The following TMC2 variants were observed in gnomAD, a reference collection of about 807,000 sequenced individuals.
TMC2 encodes transmembrane channel-like protein 2.
Under a neutral mutation model 105.9 loss-of-function variants are expected in TMC2, and 102 were observed. The ratio of observed to expected loss-of-function variants is 0.96; its 90% CI spans 0.82 to 1.14. The LOEUF (loss-of-function observed/expected upper bound fraction) is 1.14. TMC2 is among the 50% of genes most tolerant of loss of function. TMC2 has a pLI of 0.00. For synonymous variants in TMC2, 402 were observed against 422.8 expected, an observed-to-expected ratio of 0.95 and a Z score of 0.60; for missense variants, 1,093 against 1,134.3, an observed-to-expected ratio of 0.96 and a Z score of 0.52.
chr20:2,577,176 G>T (rs969873335), intron 5 of TMC2, among the ~76,000 whole-genome samples: 1 of 152,074 alleles, frequency 6.6e-6, no homozygotes, highest in Non-Finnish European at 1.5e-5. Context: ...CCAAAGTGCT[G>T]AGATTACAGG....
chr20:2,583,114 A>C (rs1380994805), intron 7 of TMC2, among the ~76,000 whole-genome samples: 2 of 152,174 alleles, frequency 1.3e-5, no homozygotes, highest in Non-Finnish European at 2.9e-5. Flanking sequence ...TGGTCTTGTT[A>C]TCTCTGTTTT....
chr20:2,614,533 A>C (rs1360389063), intron 14 of TMC2, among the ~76,000 whole-genome samples: 2 of 152,200 alleles, frequency 1.3e-5, no homozygotes, highest in Admixed American at 1.3e-4. Flanking sequence ...TGATCCCTTG[A>C]TCACACCACT....
intron 19 of TMC2, among the ~76,000 whole-genome samples, chr20:2,640,122 C>T (rs1428239597): frequency 1.3e-5 from 2 of 152,180 alleles, no homozygotes; most frequent in African/African-American, 4.8e-5. Flanking sequence ...GCTGTTATTA[C>T]AGGCACCTGC....
Position 2,617,015 on chromosome 20 carries a change from C to T in TMC2, c.1941-57C>T, listed in dbSNP as rs1379023796. 12 of 1,607,200 alleles carry T rather than the reference C, an allele frequency of 7.5e-6. No homozygotes were observed. In the East Asian group the frequency reaches 2.0e-4, roughly 27 times the overall value. ...ATCCGTCCCATTTCCTTCTATCACC[C>T]TTCCCTCGCCTTCCCTGCTGTCCAG... is the stretch of plus-strand genomic sequence containing the variant. On this transcript the variant is annotated intron_variant, in intron 15 of 19. Coordinates refer to ENST00000358864, the MANE Select transcript of TMC2 (RefSeq NM_080751.3).
chr20:2,621,893 C>G (rs369658312), intron 16 of TMC2, among the ~76,000 whole-genome samples: 1 of 152,154 alleles, frequency 6.6e-6, no homozygotes, highest in African/African-American at 2.4e-5. Context: ...AAGCCACCAG[C>G]GTGACAAACA....
intron 2 of TMC2, among the ~76,000 whole-genome samples, chr20:2,543,539 C>T (rs2085904721): frequency 6.6e-6 from 1 of 152,094 alleles, no homozygotes; most frequent in Non-Finnish European, 1.5e-5. Flanking sequence ...ATCTTAGAGC[C>T]CAAATTGAAG....
chr20:2,624,598 T>C (rs2086551154), intron 17 of TMC2, among the ~76,000 whole-genome samples: 4 of 152,200 alleles, frequency 2.6e-5, no homozygotes, highest in Admixed American at 2.6e-4. Context: ...TGCATGGTTA[T>C]CACTGTGAGA....
chr20:2,611,866 A>ATGGATGGGTGGG, intron 12 of TMC2, among the ~76,000 whole-genome samples: 1 of 85,814 alleles, frequency 1.2e-5, no homozygotes, highest in African/African-American at 4.0e-5. Context: ...GGATGGATGG[A>ATGGATGGGTGGG]TGGGTGGGTG....
At chr20:2,623,328 A>G (rs1268739032) in intron 16 of TMC2, among the ~76,000 whole-genome samples, 1 of 152,060 alleles carries the variant, frequency 6.6e-6, no homozygotes, top group Non-Finnish European at 1.5e-5. Flanking sequence ...ATTTGAGGTC[A>G]GAAGTTTGAG....
chr20:2,635,794 A>T, intron 17 of TMC2, 132 bp from the exon 18 acceptor site: 1 of 701,228 alleles, frequency 1.4e-6, no homozygotes, highest in Non-Finnish European at 2.5e-6. Flanking sequence ...TGAGAAAAGA[A>T]GATGGTAGGA....
At chr20:2,537,124 A>G (rs2085854985) in intron 1 of TMC2, 145 bp from the exon 2 acceptor site, 1 of 707,144 alleles carries the variant, frequency 1.4e-6, no homozygotes, top group Admixed American at 2.2e-5. Context: ...AGGGGACTCT[A>G]TAATTTGCTG....
At position 2,617,213 on chromosome 20, in the gene TMC2, C is replaced by T. The variant is rs1406147522; in HGVS notation, c.2082C>T (p.Phe694=). The T allele has an allele frequency of 1.2e-6, 2 of 1,614,132 alleles. No individual in the cohort carries two copies. Among genetic ancestry groups the T allele is most frequent in the Non-Finnish European group, 1.7e-6 (2 of 1,180,044 alleles). Residue 694 remains phenylalanine (F), a synonymous_variant, in exon 16 of 20, where the codon TTC becomes TTT. Coordinates refer to ENST00000358864, the MANE Select transcript of TMC2 (RefSeq NM_080751.3). ...TCAAAGCCTCCCGATCCAACAACTT[C>T]TACATGGGCCTCCTGCTGCTGGTGC... ...RVFKASRSNN[F]YMGLLLLVLF... is the part of the protein sequence containing the mutation.
intron 2 of TMC2, among the ~76,000 whole-genome samples, chr20:2,549,482 T>C (rs994677490): frequency 2.6e-5 from 4 of 152,122 alleles, no homozygotes; most frequent in Admixed American, 6.6e-5. Context: ...GTTGCTTACG[T>C]CTGTAATCCC....
In TMC2 at chr20:2,580,044, C is replaced by T. The variant is rs2146198787; in HGVS notation, c.822C>T (p.Val274=). 2 of 1,607,898 alleles carry T rather than the reference C, an allele frequency of 1.2e-6. No homozygotes were observed. The highest frequency in any genetic ancestry group is 2.2e-5 in the East Asian group (1 of 44,814). Residue 274 remains valine, a synonymous_variant, in exon 7 of 20, where the codon GTC becomes GTT. Coordinates refer to ENST00000358864, the MANE Select transcript of TMC2 (RefSeq NM_080751.3). The part of the protein sequence containing the change: ...LVLFGLIFGL[V]IIPEVLMGMP... Reference sequence around the variant, plus strand: ...TTTTTGGCTTAATATTTGGTCTAGTCATAATCCCAGAGGTAAGAAAAGAAC... The same window carrying T: ...TTTTTGGCTTAATATTTGGTCTAGTTATAATCCCAGAGGTAAGAAAAGAAC...
At chr20:2,634,589 C>A (rs149798938) in intron 17 of TMC2, among the ~76,000 whole-genome samples, 376 of 152,262 alleles carry the variant, frequency 2.5e-3, no homozygotes, top group African/African-American at 8.5e-3. Context: ...CCTGAAGGCA[C>A]CAAGGAGAAA....
chr20:2,558,794 C>A lies in TMC2; in HGVS notation c.401+20C>A, dbSNP rs2086003612. ...ACCCAGGTGTGTTGTGGCTCCGATT[C>A]TGGGCATTCGCTCCGCGCGCTCCCG... On this transcript the variant is annotated intron_variant, in intron 3 of 19. Coordinates refer to ENST00000358864, the MANE Select transcript of TMC2 (RefSeq NM_080751.3). The surrounding 1 kb of genome is among the most constrained non-coding windows in gnomAD (Gnocchi z 4.6). 1 of 1,513,996 alleles carries A rather than the reference C, an allele frequency of 6.6e-7. No individual in the cohort carries two copies. Among genetic ancestry groups the A allele is most frequent in the East Asian group, 2.3e-5 (1 of 43,708 alleles). The allele number at this position is 1,513,996 out of a possible 1,614,324, so 93.8% of individuals were successfully genotyped here. A position where few individuals can be genotyped will look rare whatever the true frequency, so the allele number is the denominator to read the frequency against.
At chr20:2,635,746 TAGAG>T in intron 17 of TMC2, among the ~76,000 whole-genome samples, 176 bp from the exon 18 acceptor site, 1 of 152,194 alleles carries the variant, frequency 6.6e-6, no homozygotes, top group Middle Eastern at 3.4e-3. Flanking sequence ...CATAATAAAA[TAGAG>T]AGGATGCAGG....
At chr20:2,627,909 T>C (rs1198736881) in intron 17 of TMC2, among the ~76,000 whole-genome samples, 1 of 152,216 alleles carries the variant, frequency 6.6e-6, no homozygotes, top group African/African-American at 2.4e-5. Context: ...GGCTCACACC[T>C]GTAATCCCAA....
chr20:2,598,504 TC>T (rs1390439449), intron 10 of TMC2, among the ~76,000 whole-genome samples: 2 of 152,132 alleles, frequency 1.3e-5, no homozygotes, highest in East Asian at 3.9e-4. Context: ...AACCTCCGGC[TC>T]CTGGGTTCAA....
Sources: gnomAD v4.1 joint callset for allele counts (sites outside exome capture counted in the v4.1 genomes callset) on GRCh38, gnomAD v4.1.1 for gene constraint, Gnocchi (gnomAD v3.1) non-coding constraint, MANE v1.5 for transcripts, NCBI Gene and HGNC (gene_info 2026-07-23, HGNC 2026-07-21) for gene names.